The following MTCL2 variants were observed in gnomAD, a reference collection of about 807,000 sequenced individuals.
MTCL2 encodes the protein microtubule crosslinking factor 2, also known as microtubule cross-linking factor 2.
chr20:36,853,440 T>C, the MTCL2 span, among the ~76,000 whole-genome samples: 1 of 152,198 alleles, frequency 6.6e-6, no homozygotes, highest in Non-Finnish European at 1.5e-5. Context: ...AGTCTTATAA[T>C]GAACAATGGT....
At chr20:36,838,792 A>C in the MTCL2 span, among the ~76,000 whole-genome samples, 2 of 151,932 alleles carry the variant, frequency 1.3e-5, no homozygotes, top group South Asian at 4.2e-4. Context: ...ACATGGTGAA[A>C]CCCTGTCTCT....
chr20:36,790,379 C>T, the MTCL2 span, among the ~76,000 whole-genome samples: 2 of 151,240 alleles, frequency 1.3e-5, no homozygotes, highest in Admixed American at 6.6e-5. Flanking sequence ...CCACCTCTCT[C>T]GGCCTCCCAA....
At chr20:36,822,751 T>C in the MTCL2 span, among the ~76,000 whole-genome samples, 1 of 150,430 alleles carries the variant, frequency 6.6e-6, no homozygotes. Context: ...CAAAATTTAC[T>C]CTAGATTCTT....
At chr20:36,861,722 C>A in the MTCL2 span, among the ~76,000 whole-genome samples, 1 of 152,248 alleles carries the variant, frequency 6.6e-6, no homozygotes, top group Non-Finnish European at 1.5e-5. Flanking sequence ...AAGCTTCCAG[C>A]CTCCCAGGGA....
the MTCL2 span, among the ~76,000 whole-genome samples, chr20:36,843,563 C>T: frequency 2.6e-5 from 4 of 152,044 alleles, no homozygotes; most frequent in East Asian, 7.7e-4. Flanking sequence ...GAAGGATCCA[C>T]GCGCTGTTTC....
At chr20:36,787,932 G>A in the MTCL2 span, among the ~76,000 whole-genome samples, 1 of 148,826 alleles carries the variant, frequency 6.7e-6, no homozygotes, top group Non-Finnish European at 1.5e-5. Flanking sequence ...TGGCCATGGT[G>A]GCTCACACCT....
the MTCL2 span, among the ~76,000 whole-genome samples, chr20:36,845,608 C>G: frequency 2.0e-5 from 3 of 152,214 alleles, no homozygotes; most frequent in African/African-American, 7.2e-5. Flanking sequence ...GCGGGAGAGG[C>G]TGGCGAATGC....
the MTCL2 span, among the ~76,000 whole-genome samples, chr20:36,858,685 C>T: frequency 6.6e-6 from 1 of 152,164 alleles, no homozygotes; most frequent in East Asian, 1.9e-4. Flanking sequence ...ATAACAATTC[C>T]TCAGGCGACT....
chr20:36,810,061 C>T, the MTCL2 span: 26 of 1,598,664 alleles, frequency 1.6e-5, no homozygotes, highest in African/African-American at 1.2e-4. Context: ...TTGCAAGCCC[C>T]GGAGGCTGTC....
the MTCL2 span, chr20:36,794,488 G>A: frequency 6.2e-7 from 1 of 1,614,058 alleles, no homozygotes; most frequent in East Asian, 2.2e-5. This position sits in a 1 kb window ranked among gnomAD's most constrained non-coding sequence, Gnocchi z 5.4. Context: ...AGCTCACAAA[G>A]CCAAAGGCAG....
chr20:36,793,775 G>A, the MTCL2 span: 2 of 1,541,096 alleles, frequency 1.3e-6, no homozygotes, highest in African/African-American at 1.4e-5. This position sits in a 1 kb window ranked among gnomAD's most constrained non-coding sequence, Gnocchi z 6.8. Flanking sequence ...ATACTTGGGG[G>A]AGCAGCAGGG....
At chr20:36,818,320 C>T in the MTCL2 span, among the ~76,000 whole-genome samples, 9 of 152,334 alleles carry the variant, frequency 5.9e-5, no homozygotes, top group Admixed American at 2.0e-4. Flanking sequence ...TGCCTGTAAT[C>T]CCAACACTTT....
the MTCL2 span, among the ~76,000 whole-genome samples, chr20:36,839,906 G>C: frequency 6.6e-6 from 1 of 152,206 alleles, no homozygotes; most frequent in Non-Finnish European, 1.5e-5. The surrounding 1 kb of genome is among the most constrained non-coding windows in gnomAD (Gnocchi z 5.1). Flanking sequence ...CTGTTGCCCA[G>C]GCTGGAGTGT....
At chr20:36,806,742 A>G in the MTCL2 span, among the ~76,000 whole-genome samples, 1 of 151,852 alleles carries the variant, frequency 6.6e-6, no homozygotes, top group Non-Finnish European at 1.5e-5. Flanking sequence ...CTGGTCTCGA[A>G]CTCCTGATCT....
chr20:36,828,402 G>C, the MTCL2 span, among the ~76,000 whole-genome samples: 2 of 152,182 alleles, frequency 1.3e-5, no homozygotes, highest in Non-Finnish European at 2.9e-5. Context: ...GAAAATGTTT[G>C]AGATAAACTG....
At chr20:36,786,596 G>A in the MTCL2 span, 1 of 1,551,058 alleles carries the variant, frequency 6.4e-7, no homozygotes, top group South Asian at 1.2e-5. Flanking sequence ...ATCGGGCGAA[G>A]CAGGAGGTGA....
chr20:36,862,922 G>A, the MTCL2 span: 14 of 1,344,688 alleles, frequency 1.0e-5, no homozygotes, highest in Non-Finnish European at 1.3e-5. Context: ...CGGCGTCGCT[G>A]CTCAGCGCCA....
chr20:36,843,217 G>A, the MTCL2 span, among the ~76,000 whole-genome samples: 1 of 152,220 alleles, frequency 6.6e-6, no homozygotes, highest in Non-Finnish European at 1.5e-5. Flanking sequence ...GGGGAGGACT[G>A]CTCTGCTCTT....
At chr20:36,821,723 A>G in the MTCL2 span, among the ~76,000 whole-genome samples, 7 of 152,310 alleles carry the variant, frequency 4.6e-5, no homozygotes, top group African/African-American at 1.7e-4. Flanking sequence ...GTCTCCAAAA[A>G]AGAAAAAAAG....
Sources: gnomAD v4.1 joint callset for allele counts (sites outside exome capture counted in the v4.1 genomes callset) on GRCh38, gnomAD v4.1.1 for gene constraint, Gnocchi (gnomAD v3.1) non-coding constraint, MANE v1.5 for transcripts, NCBI Gene and HGNC (gene_info 2026-07-23, HGNC 2026-07-21) for gene names.